The following VPS13B variants were observed in gnomAD, a reference collection of about 807,000 sequenced individuals.
VPS13B encodes the protein vacuolar protein sorting 13 homolog B, also known as intermembrane lipid transfer protein VPS13B.
VPS13B carries 285 observed loss-of-function variants against 426.4 expected under a neutral mutation model. The ratio of observed to expected loss-of-function variants is 0.67; its 90% CI spans 0.61 to 0.74. The LOEUF (loss-of-function observed/expected upper bound fraction) is 0.74. Ranked by LOEUF, VPS13B falls within the 30% of genes least tolerant of loss-of-function variation. The probability of loss-of-function intolerance (pLI) is 0.00; values close to 1 mark genes in which losing one functional copy is unlikely to be tolerated. For synonymous variants in VPS13B, 1,676 were observed against 1,676.4 expected, an observed-to-expected ratio of 1.00 and a Z score of 0.01; for missense variants, 4,537 against 4,782.6, an observed-to-expected ratio of 0.95 and a Z score of 1.51.
chr8:99,366,893 A>G (rs1445201749), intron 19 of VPS13B, among the ~76,000 whole-genome samples: 1 of 152,108 alleles, frequency 6.6e-6, no homozygotes, highest in Admixed American at 6.5e-5. Flanking sequence ...AAAACTCTAC[A>G]CATTAACTTT....
At chr8:99,757,938 C>A (rs1217602540) in intron 39 of VPS13B, among the ~76,000 whole-genome samples, 1 of 152,176 alleles carries the variant, frequency 6.6e-6, no homozygotes, top group African/African-American at 2.4e-5. Flanking sequence ...GGAATGTTTT[C>A]CAGTGAAACC....
intron 23 of VPS13B, among the ~76,000 whole-genome samples, chr8:99,444,749 C>T (rs1018708512): frequency 3.3e-5 from 5 of 151,930 alleles, no homozygotes; most frequent in Admixed American, 6.6e-5. Flanking sequence ...GGCTCACTGC[C>T]GCCTTGACCG....
At chr8:99,341,779 G>T in intron 19 of VPS13B, 2 of 367,760 alleles carry the variant, frequency 5.4e-6, no homozygotes, top group East Asian at 7.5e-5. Context: ...AAACCCCCAG[G>T]CGTCCCACCA....
At chr8:99,647,364 C>T (rs1829621085) in intron 34 of VPS13B, among the ~76,000 whole-genome samples, 2 of 152,030 alleles carry the variant, frequency 1.3e-5, no homozygotes, top group Non-Finnish European at 2.9e-5. Flanking sequence ...GAGTTCAAGA[C>T]CAGCCTGGCC....
intron 3 of VPS13B, among the ~76,000 whole-genome samples, chr8:99,076,040 T>G (rs1240847614): frequency 3.9e-5 from 6 of 152,186 alleles, no homozygotes; most frequent in Non-Finnish European, 1.5e-5. Context: ...TTGTATCTCA[T>G]GAGTTTTCGT....
In VPS13B at chr8:99,646,654, T is replaced by C. The variant is rs540017340; in HGVS notation, c.5908+4156T>C. On this transcript the variant is annotated intron_variant, in intron 34 of 61. Transcript: ENST00000357162. ...ATCCCCTCCAAATCTCATCTTGAAA[T>C]GTGACTCTCAGTGTTGAAGGTAAGG... Among the ~76,000 whole-genome samples the C allele has an allele frequency of 2.6e-5, 4 of 152,318 alleles. No homozygotes were observed. In the South Asian group the frequency reaches 8.3e-4, roughly 32 times the overall value.
chr8:99,075,847 T>C (rs1845089883), intron 3 of VPS13B, among the ~76,000 whole-genome samples: 1 of 152,190 alleles, frequency 6.6e-6, no homozygotes, highest in African/African-American at 2.4e-5. Context: ...TCATTGATCA[T>C]GTATATTGTT....
At position 99,777,965 on chromosome 8, in the gene VPS13B, C is replaced by T. The variant is rs1811822703; in HGVS notation, c.7430-717C>T. On this transcript the variant is annotated intron_variant, in intron 41 of 61. Coordinates refer to ENST00000357162, the MANE Select transcript of VPS13B (RefSeq NM_152564.5). The stretch of plus-strand genomic sequence containing the variant: ...AAACACAGCTGGCTGGGCACAGTGA[C>T]TCACACCTGTAATCCCAACACTTTG... Among the ~76,000 whole-genome samples the T allele has an allele frequency of 1.3e-5, 2 of 152,086 alleles. 1 individual carries two copies. The highest frequency in any genetic ancestry group is 4.2e-4 in the South Asian group (2 of 4,818).
In VPS13B at chr8:99,069,244, G is replaced by A. The variant is rs1016165732; in HGVS notation, c.292-27068G>A. ...GCCCAGGAGTTAGAAACCTGCTGGG[G>A]CAACATGGTCAAACCCCATCTCTAC... is the stretch of plus-strand genomic sequence containing the variant. On this transcript the variant is annotated intron_variant, in intron 3 of 61. Coordinates refer to ENST00000357162, the MANE Select transcript of VPS13B (RefSeq NM_152564.5). Among the ~76,000 whole-genome samples the A allele has an allele frequency of 3.3e-5, 5 of 151,992 alleles. No homozygotes were observed. The East Asian group carries it at 9.6e-4, about 29-fold the overall frequency.
At chr8:99,126,481 T>C (rs922401072) in intron 8 of VPS13B, among the ~76,000 whole-genome samples, 1 of 152,186 alleles carries the variant, frequency 6.6e-6, no homozygotes, top group Non-Finnish European at 1.5e-5. Context: ...GTGAAAATAA[T>C]CTGGAGGACA....
intron 35 of VPS13B, among the ~76,000 whole-genome samples, chr8:99,689,517 G>C (rs987592127): frequency 1.3e-5 from 2 of 152,024 alleles, no homozygotes; most frequent in Non-Finnish European, 2.9e-5. Flanking sequence ...CAAAGTCTGA[G>C]TCTCAAAAAA....
chr8:99,611,721 CTTT>C (rs1435847411), intron 33 of VPS13B, among the ~76,000 whole-genome samples: 1 of 151,906 alleles, frequency 6.6e-6, no homozygotes, highest in Non-Finnish European at 1.5e-5. Flanking sequence ...TTTTTGCTCT[CTTT>C]TAACACTAGT....
chr8:99,550,962 G>A (rs1008692681), intron 30 of VPS13B, among the ~76,000 whole-genome samples: 13 of 151,912 alleles, frequency 8.6e-5, no homozygotes, highest in African/African-American at 2.2e-4. Flanking sequence ...GCAGGTTGTC[G>A]GATTTTATAA....
intron 51 of VPS13B, among the ~76,000 whole-genome samples, chr8:99,825,164 ATGGT>A (rs1366678147): frequency 1.3e-5 from 2 of 152,140 alleles, no homozygotes; most frequent in Admixed American, 1.3e-4. Context: ...CTGTGTTCCA[ATGGT>A]TGGTTTAATT....
At chr8:99,220,457 C>G (rs1014875596) in intron 17 of VPS13B, among the ~76,000 whole-genome samples, 1 of 152,164 alleles carries the variant, frequency 6.6e-6, no homozygotes, top group Non-Finnish European at 1.5e-5. Context: ...GGAATGAAAA[C>G]TGTATGCACA....
intron 19 of VPS13B, among the ~76,000 whole-genome samples, chr8:99,334,197 CA>C (rs1200269806): frequency 3.3e-5 from 5 of 152,100 alleles, no homozygotes; most frequent in African/African-American, 1.2e-4. Context: ...ATGTGTGTTA[CA>C]ATGAGAATGA....
intron 31 of VPS13B, among the ~76,000 whole-genome samples, chr8:99,568,684 A>T (rs910751699): frequency 6.6e-6 from 1 of 152,194 alleles, no homozygotes; most frequent in African/African-American, 2.4e-5. Context: ...GAATAGGTTT[A>T]TGTAACACAT....
At position 99,502,324 on chromosome 8, in the gene VPS13B, A is replaced by G. The variant is rs144932332; in HGVS notation, c.4042+466A>G. 2.0e-5 allele frequency among the ~76,000 whole-genome samples: 3 copies of G among 152,124 alleles called. No individual in the cohort carries two copies. The East Asian group carries it at 5.8e-4, about 29-fold the overall frequency. ...CTTTACTGAAAAGTGCAAATATTAA[A>G]CGCTATTTTGGAAGAAATATTAAAT... On this transcript the variant is annotated intron_variant, in intron 26 of 61. Transcript: ENST00000357162.
intron 17 of VPS13B, chr8:99,209,640 CA>C: frequency 1.8e-6 from 1 of 565,976 alleles, no homozygotes; most frequent in Admixed American, 4.5e-5. Context: ...CTCCTGGCCT[CA>C]AATGATCCTC....
Sources: allele counts gnomAD v4.1 joint callset (sites outside exome capture counted in the v4.1 genomes callset), GRCh38; gene constraint gnomAD v4.1.1; transcripts MANE v1.5; gene names NCBI Gene and HGNC (gene_info 2026-07-23, HGNC 2026-07-21).